TNPO3: variants seen among roughly 807,000 people sequenced by gnomAD.
TNPO3 encodes the protein transportin-3.
Under a neutral mutation model 122.8 loss-of-function variants are expected in TNPO3, and 65 were observed. The observed-to-expected ratio is 0.53, with a 90% confidence interval of 0.43 to 0.65. The LOEUF (loss-of-function observed/expected upper bound fraction) is 0.65, where lower values mean the gene tolerates loss of function less well. TNPO3 is among the 30% of genes least tolerant of loss of function. The pLI is 0.00. For missense variants in TNPO3, 850 were observed against 1,136.7 expected (o/e 0.75, Z 3.63); for synonymous variants, 372 against 411.2 (o/e 0.90, Z 1.15).
rs1257825327 is a variant in TNPO3, at chr7:128,955,093, T to C, written c.*324A>G. ...TGGTTTCTGTTTAGTCTTCCTTTTTTTTCTTTTTTCTTTACTTAAAATTAT... is the reference window on the plus strand; with the variant it reads ...TGGTTTCTGTTTAGTCTTCCTTTTTCTTCTTTTTTCTTTACTTAAAATTAT... On this transcript the variant is annotated 3_prime_UTR_variant, in exon 23 of 23. Transcript: ENST00000265388. 9.2e-6 allele frequency: 3 copies of C among 327,314 alleles called. No individual in the cohort carries two copies. Among genetic ancestry groups the C allele is most frequent in the African/African-American group, 2.2e-5 (1 of 44,728 alleles). The allele number at this position is 327,314 out of a possible 1,614,324, so 20.3% of individuals were successfully genotyped here.
In TNPO3 at chr7:128,955,217, A is replaced by C; in HGVS notation, c.*200T>G. On this transcript the variant is annotated 3_prime_UTR_variant, in exon 23 of 23. Coordinates refer to ENST00000265388, the MANE Select transcript of TNPO3 (RefSeq NM_012470.4). ...AAAATCCGCGCTGATTTTCCCTCACACCCCCAAACAGGAACTCCTCAGGAT... is the reference window on the plus strand; with the variant it reads ...AAAATCCGCGCTGATTTTCCCTCACCCCCCCAAACAGGAACTCCTCAGGAT... The C allele has an allele frequency of 2.6e-6, 1 of 390,626 alleles. No homozygotes were observed. The highest frequency in any genetic ancestry group is 3.4e-5 in the Admixed American group (1 of 29,396). The allele number at this position is 390,626 out of a possible 1,614,324, so 24.2% of individuals were successfully genotyped here.
At chr7:128,982,937 C>T (rs571667105) in intron 13 of TNPO3, among the ~76,000 whole-genome samples, 23 of 152,264 alleles carry the variant, frequency 1.5e-4, no homozygotes, top group African/African-American at 5.3e-4. Context: ...TAGGTTCAGG[C>T]GTTGATTGCT....
chr7:129,041,008 C>T (rs17339836), intron 1 of TNPO3, among the ~76,000 whole-genome samples: 13,729 of 152,162 alleles, frequency 0.09, 862 homozygotes, highest in South Asian at 0.15. Flanking sequence ...GATGACATTG[C>T]CCATACTAAA....
At chr7:129,020,867 C>A (rs1461962704) in intron 1 of TNPO3, among the ~76,000 whole-genome samples, 1 of 152,156 alleles carries the variant, frequency 6.6e-6, no homozygotes, top group African/African-American at 2.4e-5. Flanking sequence ...AGGGTATCTA[C>A]AAGAACCCCA....
At chr7:128,995,873 A>G (rs762355818) in intron 8 of TNPO3, among the ~76,000 whole-genome samples, 5 of 152,100 alleles carry the variant, frequency 3.3e-5, no homozygotes, top group Non-Finnish European at 7.4e-5. Context: ...TAATTTTTGT[A>G]TTTTTAGTAG....
At chr7:128,973,824 AG>A (rs1563089653) in intron 18 of TNPO3, among the ~76,000 whole-genome samples, 2 of 142,796 alleles carry the variant, frequency 1.4e-5, no homozygotes, top group East Asian at 2.0e-4. Context: ...AAAAAAGAAA[AG>A]GAAAAAAAAA....
Position 128,986,908 on chromosome 7 carries a change from C to A in TNPO3, c.1511G>T (p.Gly504Val), listed in dbSNP as rs778849222. 1 of 1,611,382 alleles carries A rather than the reference C, an allele frequency of 6.2e-7. No individual in the cohort carries two copies. The highest frequency in any genetic ancestry group is 8.5e-7 in the Non-Finnish European group (1 of 1,179,168). ...RNPQFLDPVL[G>V]YLMKGLCEKP... ...TTCACACAGGCCTTTCATCAAATAG[C>A]CCAACACAGGGTCTAAGAAGAAAAG... Residue 504 changes from glycine (G) to valine (V), a missense_variant, in exon 12 of 23, where the codon GGC becomes GTC. Coordinates refer to ENST00000265388, the MANE Select transcript of TNPO3 (RefSeq NM_012470.4).
In TNPO3 at chr7:128,974,507, T is replaced by C. The variant is rs544270744; in HGVS notation, c.2273+361A>G. Among the ~76,000 whole-genome samples the C allele has an allele frequency of 1.3e-5, 2 of 152,108 alleles. 1 individual carries two copies. The highest frequency in any genetic ancestry group is 4.2e-4 in the South Asian group (2 of 4,814). On this transcript the variant is annotated intron_variant, in intron 18 of 22. Transcript: ENST00000265388. ...TCCGAAACTGATTATATCTAAAGGA[T>C]GCTAAGCTTCTCAAAGAGAAGGTTG...
intron 20 of TNPO3, among the ~76,000 whole-genome samples, chr7:128,968,767 G>C (rs932286530): frequency 1.3e-5 from 2 of 152,096 alleles, no homozygotes; most frequent in African/African-American, 4.8e-5. Flanking sequence ...CTGGAGTGCA[G>C]TGGCATGATC....
chr7:129,015,514 A>G (rs1205119252), intron 3 of TNPO3, among the ~76,000 whole-genome samples: 2 of 152,228 alleles, frequency 1.3e-5, no homozygotes, highest in Admixed American at 1.3e-4. Context: ...CTACATAGCC[A>G]ATTGTTAATA....
intron 12 of TNPO3, among the ~76,000 whole-genome samples, chr7:128,984,932 C>T (rs1165075583): frequency 2.0e-5 from 3 of 152,134 alleles, no homozygotes; most frequent in Non-Finnish European, 1.5e-5. Context: ...CCAAAAGAGG[C>T]AGTTAGGTTC....
chr7:128,954,923 A>C lies in TNPO3; in HGVS notation c.*494T>G, dbSNP rs945373318. Reference sequence around the variant, plus strand: ...AATTGCAGCTATTTAATTCATGTGAATCCCCACATTATCCCTAAGTAAATA... The same window carrying C: ...AATTGCAGCTATTTAATTCATGTGACTCCCCACATTATCCCTAAGTAAATA... On this transcript the variant is annotated 3_prime_UTR_variant, in exon 23 of 23. Coordinates refer to ENST00000265388, the MANE Select transcript of TNPO3 (RefSeq NM_012470.4). The C allele has an allele frequency of 6.1e-6, 1 of 164,186 alleles. No homozygotes were observed. Among genetic ancestry groups the C allele is most frequent in the African/African-American group, 2.4e-5 (1 of 41,480 alleles). 10.2% of individuals were successfully genotyped at this position (164,186 alleles called of 1,614,324 possible). A position where few individuals can be genotyped will look rare whatever the true frequency, so the allele number is the denominator to read the frequency against.
Position 128,957,233 on chromosome 7 carries a change from A to G in TNPO3, c.*22T>C, listed in dbSNP as rs374925221. On this transcript the variant is annotated 3_prime_UTR_variant, in exon 22 of 23. Coordinates refer to ENST00000265388, the MANE Select transcript of TNPO3 (RefSeq NM_012470.4). ...AACTATGTATCCTCACCTGGGTGAC[A>G]GGCACAGTGCAGGAGTGTGAGCTAT... 33 of 1,613,794 alleles carry G rather than the reference A, an allele frequency of 2.0e-5. No individual in the cohort carries two copies. The highest frequency in any genetic ancestry group is 2.5e-5 in the Non-Finnish European group (29 of 1,179,790).
At chr7:128,965,748 C>T (rs529339849) in intron 21 of TNPO3, among the ~76,000 whole-genome samples, 3 of 152,162 alleles carry the variant, frequency 2.0e-5, no homozygotes, top group Admixed American at 1.3e-4. Flanking sequence ...TATTATTTAG[C>T]CTTTAAATGG....
chr7:128,978,835 T>C (rs1799338962), intron 16 of TNPO3, 148 bp downstream of exon 16: 3 of 825,484 alleles, frequency 3.6e-6, no homozygotes, highest in Non-Finnish European at 5.6e-6. Context: ...TTTCACCATG[T>C]TGGCCAGGCT....
Position 129,017,514 on chromosome 7 carries a change from A to T in TNPO3, c.321+443T>A, listed in dbSNP as rs1677183807. ...AGACTTAAGAAAAGCCTCCTCTTTA[A>T]GGGCACTTCTATGCCAGGCAGAGAA... On this transcript the variant is annotated intron_variant, in intron 2 of 22. Coordinates refer to ENST00000265388, the MANE Select transcript of TNPO3 (RefSeq NM_012470.4). Among the ~76,000 whole-genome samples, 6 of 152,276 alleles carry T rather than the reference A, an allele frequency of 3.9e-5. No individual in the cohort carries two copies. In the South Asian group the frequency reaches 1.2e-3, roughly 32 times the overall value.
intron 19 of TNPO3, 120 bp from the exon 20 acceptor site, chr7:128,970,435 T>C: frequency 3.6e-6 from 3 of 841,080 alleles, no homozygotes; most frequent in Non-Finnish European, 1.8e-6. Flanking sequence ...TGTGCACGCG[T>C]GGCTGTGTGT....
intron 11 of TNPO3, among the ~76,000 whole-genome samples, chr7:128,988,566 G>A (rs973438926): frequency 2.0e-5 from 3 of 152,190 alleles, no homozygotes; most frequent in African/African-American, 4.8e-5. Context: ...AAATCTGAAT[G>A]AGATACTGCA....
chr7:128,993,367 C>T (rs923829476), intron 9 of TNPO3, among the ~76,000 whole-genome samples: 26 of 152,106 alleles, frequency 1.7e-4, no homozygotes, highest in Admixed American at 1.3e-3. Context: ...ACCTCTGGGA[C>T]GAAACTGCAC....
Sources: allele counts gnomAD v4.1 joint callset (sites outside exome capture counted in the v4.1 genomes callset), GRCh38; gene constraint gnomAD v4.1.1; transcripts MANE v1.5; gene names NCBI Gene and HGNC (gene_info 2026-07-23, HGNC 2026-07-21).